The following ZNF385B variants were observed in gnomAD, a reference collection of about 807,000 sequenced individuals.
The protein encoded by ZNF385B is zinc finger protein 533.
In ZNF385B, 23 loss-of-function variants were observed where a neutral mutation model predicts 39.2. That is an observed-to-expected ratio of 0.59 (90% CI 0.42 to 0.83). The LOEUF (loss-of-function observed/expected upper bound fraction) is 0.83, where lower values mean the gene tolerates loss of function less well. ZNF385B is among the 40% of genes least tolerant of loss of function. The pLI is 0.00. For missense variants in ZNF385B, 552 were observed against 598.9 expected, an observed-to-expected ratio of 0.92 and a Z score of 0.82; for synonymous variants, 205 against 222.6, an observed-to-expected ratio of 0.92 and a Z score of 0.70.
intron 3 of ZNF385B, among the ~76,000 whole-genome samples, chr2:179,755,580 G>C (rs1029716049): frequency 3.3e-5 from 5 of 152,112 alleles, no homozygotes; most frequent in Admixed American, 6.6e-5. Flanking sequence ...TCTCTTTGTA[G>C]GTCTCTAAGG....
intron 5 of ZNF385B, among the ~76,000 whole-genome samples, chr2:179,515,218 A>G (rs1473868269): frequency 1.3e-5 from 2 of 152,204 alleles, no homozygotes; most frequent in South Asian, 2.1e-4. Context: ...ATCTATCATC[A>G]ACCTTGTTAT....
At chr2:179,539,699 G>A (rs2059797406) in intron 4 of ZNF385B, among the ~76,000 whole-genome samples, 1 of 152,056 alleles carries the variant, frequency 6.6e-6, no homozygotes, top group South Asian at 2.1e-4. Flanking sequence ...AGTCATTAAA[G>A]AATGACCATG....
At chr2:179,764,383 G>T (rs902231285) in intron 3 of ZNF385B, among the ~76,000 whole-genome samples, 3 of 150,028 alleles carry the variant, frequency 2.0e-5, no homozygotes, top group South Asian at 2.1e-4. Context: ...ATATAGTTGG[G>T]TTTTTTTTTA....
chr2:179,565,008 T>C (rs1320213698), intron 3 of ZNF385B, among the ~76,000 whole-genome samples: 2 of 152,202 alleles, frequency 1.3e-5, no homozygotes, highest in African/African-American at 2.4e-5. Context: ...GTAAGCTTTA[T>C]GACATCTGTC....
intron 3 of ZNF385B, among the ~76,000 whole-genome samples, chr2:179,765,114 C>T (rs1026603462): frequency 4.6e-5 from 7 of 152,160 alleles, no homozygotes; most frequent in Non-Finnish European, 7.4e-5. Context: ...TGAGCTAATT[C>T]CTTTCTCCTA....
intron 1 of ZNF385B, among the ~76,000 whole-genome samples, chr2:179,835,439 A>AG (rs1357794780): frequency 2.6e-5 from 4 of 152,198 alleles, no homozygotes; most frequent in Non-Finnish European, 5.9e-5. Flanking sequence ...TTATTCAGGT[A>AG]GGGCCTAGAC....
intron 3 of ZNF385B, chr2:179,562,659 A>G: frequency 1.1e-6 from 1 of 884,116 alleles, no homozygotes; most frequent in African/African-American, 1.8e-5. Flanking sequence ...AGAACCAAAT[A>G]TATCCTAAAA....
intron 4 of ZNF385B, among the ~76,000 whole-genome samples, chr2:179,537,255 T>C (rs1424392542): frequency 6.8e-6 from 1 of 147,228 alleles, no homozygotes; most frequent in African/African-American, 2.5e-5. Context: ...TGAGCCAAGA[T>C]TGTGCCATTG....
chr2:179,840,490 G>A (rs1486473861), intron 1 of ZNF385B, among the ~76,000 whole-genome samples: 9 of 152,136 alleles, frequency 5.9e-5, no homozygotes, highest in African/African-American at 2.2e-4. Context: ...AGAAAAGGAA[G>A]TGAATGAAAG....
At chr2:179,577,441 G>T (rs1438647848) in intron 3 of ZNF385B, among the ~76,000 whole-genome samples, 1 of 151,970 alleles carries the variant, frequency 6.6e-6, no homozygotes, top group Admixed American at 6.6e-5. Context: ...TATGAATATG[G>T]TTCCTTTTCT....
intron 6 of ZNF385B, among the ~76,000 whole-genome samples, chr2:179,460,891 C>A (rs918901382): frequency 3.3e-5 from 5 of 152,220 alleles, no homozygotes; most frequent in Admixed American, 3.3e-4. Context: ...TTACTCCCAT[C>A]CTCTCACTTG....
At chr2:179,618,729 G>A (rs529572656) in intron 3 of ZNF385B, among the ~76,000 whole-genome samples, 1 of 152,268 alleles carries the variant, frequency 6.6e-6, no homozygotes, top group South Asian at 2.1e-4. Flanking sequence ...AGGAGAACAA[G>A]AGGAATCAGG....
At chr2:179,763,152 C>A (rs1167291212) in intron 3 of ZNF385B, among the ~76,000 whole-genome samples, 1 of 152,166 alleles carries the variant, frequency 6.6e-6, no homozygotes, top group African/African-American at 2.4e-5. Flanking sequence ...GATCTGCCCA[C>A]CTCAGCCTCC....
intron 3 of ZNF385B, among the ~76,000 whole-genome samples, chr2:179,676,412 G>A (rs1357199397): frequency 6.6e-6 from 1 of 152,084 alleles, no homozygotes; most frequent in Non-Finnish European, 1.5e-5. Flanking sequence ...TTTTAGTAGA[G>A]ATGGGGTTTC....
rs2049112997 is a variant in ZNF385B, at chr2:179,443,163, GCAA to G, written c.*84_*86del. On this transcript the variant is annotated 3_prime_UTR_variant, in exon 10 of 10. Transcript: ENST00000410066. ...ATTTTGTGGGTGAATGGGGGGTACT[GCAA>G]CACAAACTGCTTAAATTGCTGAATC... 6.7e-7 allele frequency: 1 copy of G among 1,484,282 alleles called. No individual in the cohort carries two copies. Among genetic ancestry groups the G allele is most frequent in the Non-Finnish European group, 9.3e-7 (1 of 1,071,756 alleles). 91.9% of individuals were successfully genotyped at this position (1,484,282 alleles called of 1,614,324 possible). A position where few individuals can be genotyped will look rare whatever the true frequency, so the allele number is the denominator to read the frequency against.
At chr2:179,575,135 T>C (rs1685666922) in intron 3 of ZNF385B, among the ~76,000 whole-genome samples, 2 of 152,078 alleles carry the variant, frequency 1.3e-5, no homozygotes. Flanking sequence ...CAGCTCTGTA[T>C]ATGCAGATAC....
At chr2:179,660,756 G>A (rs575162048) in intron 3 of ZNF385B, among the ~76,000 whole-genome samples, 1 of 152,236 alleles carries the variant, frequency 6.6e-6, no homozygotes, top group East Asian at 1.9e-4. Context: ...ACAGGCATGT[G>A]TATTAACAAT....
At chr2:179,857,020 T>A (rs1395615195) in intron 1 of ZNF385B, among the ~76,000 whole-genome samples, 1 of 152,186 alleles carries the variant, frequency 6.6e-6, no homozygotes, top group Non-Finnish European at 1.5e-5. Context: ...CAAAATTACC[T>A]GGGAGCTTGT....
intron 3 of ZNF385B, among the ~76,000 whole-genome samples, chr2:179,717,981 T>A (rs16866943): frequency 0.12 from 18,728 of 152,186 alleles, 1,740 homozygotes; most frequent in East Asian, 0.49. Flanking sequence ...ATTAATATTG[T>A]CATCCGAAGA....
Sources: allele counts gnomAD v4.1 joint callset (sites outside exome capture counted in the v4.1 genomes callset), GRCh38; gene constraint gnomAD v4.1.1; transcripts MANE v1.5; gene names NCBI Gene and HGNC (gene_info 2026-07-23, HGNC 2026-07-21).